The following CEP290 variants were observed in gnomAD, a reference collection of about 807,000 sequenced individuals.
The protein encoded by CEP290 is centrosomal protein of 290 kDa.
A neutral mutation model predicts 344.9 loss-of-function variants in CEP290; 317 were observed. The observed-to-expected ratio is 0.92, with a 90% CI of 0.84 to 1.01. CEP290 has a LOEUF of 1.01. CEP290 is among the 50% of genes least tolerant of loss of function. The pLI is 0.00. For synonymous variants in CEP290, 932 were observed against 895.8 expected (o/e 1.04, Z -0.72); for missense variants, 2,754 against 2,761.4 (o/e 1.00, Z 0.06).
chr12:88,137,429 C>T (rs963135919), intron 5 of CEP290, among the ~76,000 whole-genome samples: 2 of 152,076 alleles, frequency 1.3e-5, no homozygotes, highest in Admixed American at 6.6e-5. Context: ...GATTTGTAGC[C>T]GATTAAATCC....
intron 43 of CEP290, among the ~76,000 whole-genome samples, chr12:88,069,483 G>C (rs886323605): frequency 3.3e-5 from 5 of 152,084 alleles, no homozygotes; most frequent in Non-Finnish European, 7.4e-5. Flanking sequence ...GTTTTGTTTT[G>C]AACATATGTT....
intron 25 of CEP290, chr12:88,104,009 A>G (rs1008789432): frequency 6.6e-6 from 1 of 152,084 alleles, no homozygotes; most frequent in Non-Finnish European, 1.5e-5. Context: ...GTAGAAGAGG[A>G]AGAAAACTAA....
In CEP290 at chr12:88,087,931, T is replaced by G. The variant is rs1285246761; in HGVS notation, c.4043A>C (p.His1348Pro). 7 of 1,172,570 alleles carry G rather than the reference T, an allele frequency of 6.0e-6. No individual in the cohort carries two copies. The highest frequency in any genetic ancestry group is 7.7e-6 in the Non-Finnish European group (7 of 914,542). The allele number at this position is 1,172,570 out of a possible 1,614,324, so 72.6% of individuals were successfully genotyped here. The change falls in exon 32 of 54, where the codon CAT (histidine) becomes CCT (proline). Residue 1348 changes from histidine to proline, a missense_variant. His to Pro is a moderately conservative substitution (Grantham distance 77, BLOSUM62 -2). Coordinates refer to ENST00000552810, the MANE Select transcript of CEP290 (RefSeq NM_025114.4). Reference protein sequence around the residue: ...TKGAQKVINWHMKIEELRLQE... With the variant: ...TKGAQKVINWPMKIEELRLQE... ...AAGACGAAGTTCTTCTATTTTCATA[T>G]GCCAGTTGATTACCTAAGATTTACA... is the stretch of plus-strand genomic sequence containing the variant.
chr12:88,077,076 A>G (rs2035832552), intron 41 of CEP290, 146 bp downstream of exon 41: 2 of 699,618 alleles, frequency 2.9e-6, no homozygotes, highest in African/African-American at 3.8e-5. Context: ...ACGTTATTCA[A>G]TACTGCTTAT....
At chr12:88,086,223 T>A (rs754376820) in intron 33 of CEP290, 50 bp from the exon 34 acceptor site, 94 of 1,586,648 alleles carry the variant, frequency 5.9e-5, no homozygotes, top group South Asian at 3.4e-4. Context: ...GCATTGAGAG[T>A]AACTATTAAT....
chr12:88,106,814 T>G lies in CEP290; in HGVS notation c.2678A>C (p.Glu893Ala). ...SRKITVLQVN[E>A]KSLIRQYTTL... ...TGTATATTGCCTTATAAGTGATTTTTCATTCACTTGCAAAACAGTAATTTT... is the reference window on the plus strand; with the variant it reads ...TGTATATTGCCTTATAAGTGATTTTGCATTCACTTGCAAAACAGTAATTTT... Residue 893 changes from glutamate (E) to alanine (A), a missense_variant, in exon 25 of 54, where the codon GAA becomes GCA. Glu to Ala is a moderately radical substitution (Grantham distance 107). Coordinates refer to ENST00000552810, the MANE Select transcript of CEP290 (RefSeq NM_025114.4). The G allele has an allele frequency of 1.2e-6, 2 of 1,608,150 alleles. No individual in the cohort carries two copies. The highest frequency in any genetic ancestry group is 1.7e-6 in the Non-Finnish European group (2 of 1,176,842).
intron 46 of CEP290, among the ~76,000 whole-genome samples, chr12:88,061,309 A>C (rs1333029842): frequency 6.6e-6 from 1 of 152,170 alleles, no homozygotes; most frequent in Non-Finnish European, 1.5e-5. Flanking sequence ...TGTTCTCTCC[A>C]GTATATCAGA....
intron 37 of CEP290, 127 bp from the exon 38 acceptor site, chr12:88,080,522 C>A (rs773785190): frequency 3.1e-6 from 2 of 638,932 alleles, no homozygotes; most frequent in Non-Finnish European, 5.2e-6. Context: ...CTCTGCCTCC[C>A]AGATTCAAGT....
At chr12:88,108,475 T>C (rs1020208086) in intron 23 of CEP290, among the ~76,000 whole-genome samples, 1 of 152,236 alleles carries the variant, frequency 6.6e-6, no homozygotes, top group Non-Finnish European at 1.5e-5. Flanking sequence ...TTTGTGGTTC[T>C]GGTTAGGTCA....
rs2138022421 is a variant in CEP290 at position 88,126,360 on chromosome 12, C to T, written c.1021G>A (p.Ala341Thr). 1 of 1,506,528 alleles carries T rather than the reference C, an allele frequency of 6.6e-7. No homozygotes were observed. The highest frequency in any genetic ancestry group is 8.8e-7 in the Non-Finnish European group (1 of 1,132,304). 93.3% of individuals were successfully genotyped at this position (1,506,528 alleles called of 1,614,324 possible). A position where few individuals can be genotyped will look rare whatever the true frequency, so the allele number is the denominator to read the frequency against. Residue 341 changes from alanine to threonine, a missense_variant, in exon 12 of 54, where the codon GCT (alanine) becomes ACT (threonine). Coordinates refer to ENST00000552810, the MANE Select transcript of CEP290 (RefSeq NM_025114.4). ...LHNLREKLKN[A>T]QLDADKSNVM... ...TTACTTTTATCAGCATCAAGCTGAG[C>T]ATTCTTAAGTTTCTCCCTTAGGTTA... is the stretch of plus-strand genomic sequence containing the variant.
chr12:88,054,480 A>G, intron 50 of CEP290, 67 bp from the exon 51 acceptor site: 4 of 1,190,186 alleles, frequency 3.4e-6, no homozygotes, highest in Non-Finnish European at 4.9e-6. Context: ...ATAAAGATAC[A>G]CATTTTTAAC....
chr12:88,079,184 C>T lies in CEP290; in HGVS notation c.5272G>A (p.Ala1758Thr). ...GCAGAAATAATACGTTCTTCAGCAG[C>T]TGCTGTCATTTCTGCCCGGAGTTCT... ...LLELRAEMTAAAEERIISATS... is the reference protein window; with the variant it reads ...LLELRAEMTATAEERIISATS... Residue 1758 changes from alanine (A) to threonine (T), a missense_variant, in exon 39 of 54, where the codon GCT (alanine) becomes ACT (threonine). Ala to Thr is a moderately conservative substitution (Grantham distance 58). Coordinates refer to ENST00000552810, the MANE Select transcript of CEP290 (RefSeq NM_025114.4). 1 of 1,601,044 alleles carries T rather than the reference C, an allele frequency of 6.2e-7. No individual in the cohort carries two copies. The highest frequency in any genetic ancestry group is 8.5e-7 in the Non-Finnish European group (1 of 1,175,122).
chr12:88,125,095 T>C, intron 13 of CEP290, 151 bp downstream of exon 13: 1 of 276,202 alleles, frequency 3.6e-6, no homozygotes, highest in Admixed American at 5.2e-5. Flanking sequence ...ACTAGTAATA[T>C]AAGTATAATA....
intron 35 of CEP290, 99 bp from the exon 36 acceptor site, chr12:88,084,053 C>G (rs2036389700): frequency 1.3e-6 from 1 of 752,274 alleles, no homozygotes; most frequent in East Asian, 2.7e-5. Context: ...TCTAAAATTC[C>G]TTTGAGATGA....
intron 34 of CEP290, among the ~76,000 whole-genome samples, 157 bp from the exon 35 acceptor site, chr12:88,085,009 T>C (rs2036473725): frequency 6.6e-6 from 1 of 152,152 alleles, no homozygotes; most frequent in Non-Finnish European, 1.5e-5. Context: ...TTAAACTGAC[T>C]AATTCTAATT....
At chr12:88,099,948 C>T (rs1206633757) in intron 26 of CEP290, among the ~76,000 whole-genome samples, 1 of 151,714 alleles carries the variant, frequency 6.6e-6, no homozygotes, top group Non-Finnish European at 1.5e-5. Context: ...TCTAAATTTT[C>T]TTTCCCTCCT....
intron 47 of CEP290, 124 bp downstream of exon 47, chr12:88,060,700 CTATATT>C: frequency 1.6e-6 from 1 of 644,622 alleles, no homozygotes; most frequent in Non-Finnish European, 2.5e-6. Flanking sequence ...AAGTTTTTTT[CTATATT>C]TATAAAATAT....
intron 20 of CEP290, 24 bp downstream of exon 20, chr12:88,114,396 A>G: frequency 1.3e-6 from 2 of 1,527,846 alleles, no homozygotes; most frequent in East Asian, 2.5e-5. Flanking sequence ...GGGGAAAAAC[A>G]TTAACATGAA....
In CEP290 at chr12:88,053,836, T is replaced by G. The variant is rs929245981; in HGVS notation, c.7035-90A>C. Reference sequence around the variant, plus strand: ...TTTCTTATGAACTAGTGATGTACAGTAATCAGAACAAGCTAGCCTTTATCG... The same window carrying G: ...TTTCTTATGAACTAGTGATGTACAGGAATCAGAACAAGCTAGCCTTTATCG... On this transcript the variant is annotated intron_variant, in intron 51 of 53. Transcript: ENST00000552810. 27 of 643,054 alleles carry G rather than the reference T, an allele frequency of 4.2e-5. No homozygotes were observed. In the African/African-American group the frequency reaches 4.3e-4, roughly 10 times the overall value. 39.8% of individuals were successfully genotyped at this position (643,054 alleles called of 1,614,324 possible).
Sources: allele counts gnomAD v4.1 joint callset (sites outside exome capture counted in the v4.1 genomes callset), GRCh38; gene constraint gnomAD v4.1.1; transcripts MANE v1.5; gene names NCBI Gene and HGNC (gene_info 2026-07-23, HGNC 2026-07-21).